URB2: variants seen among roughly 807,000 people sequenced by gnomAD.
URB2 encodes the protein URB2 ribosome biogenesis homolog.
Under a neutral mutation model 120.9 loss-of-function variants are expected in URB2, and 86 were observed. The ratio of observed to expected loss-of-function variants is 0.71; its 90% confidence interval spans 0.60 to 0.85. The LOEUF (loss-of-function observed/expected upper bound fraction) is 0.85. Among genes scored for constraint, URB2 ranks in the 40% least tolerant of loss-of-function variants. URB2 has a pLI of 0.00. For synonymous variants in URB2, 755 were observed against 758.4 expected, an observed-to-expected ratio of 1.00 and a Z score of 0.07; for missense variants, 1,765 against 1,836.5, an observed-to-expected ratio of 0.96 and a Z score of 0.71.
rs752921090 is a variant in URB2 at position 229,636,849 on chromosome 1, A to T, written c.2236A>T (p.Asn746Tyr). The change falls in exon 4 of 10, where the codon AAT becomes TAT. Residue 746 changes from asparagine (N) to tyrosine (Y), a missense_variant. By Grantham distance (143) the Asn-to-Tyr change is moderately radical. Coordinates refer to ENST00000258243, the MANE Select transcript of URB2 (RefSeq NM_014777.4). ...PVAHWHLIVS[N>Y]LTILISYLCP... ...AGCACACTGGCACTTGATTGTGTCA[A>T]ATCTCACAATTTTAATATCCTATCT... The T allele has an allele frequency of 1.2e-6, 2 of 1,611,346 alleles. No homozygotes were observed. Among genetic ancestry groups the T allele is most frequent in the Non-Finnish European group, 1.7e-6 (2 of 1,177,812 alleles).
Position 229,635,909 on chromosome 1 carries a change from T to C in URB2, c.1296T>C (p.Ala432=). ...AGCCAGACCTGGATGACCTGCTGGC[T>C]TCAGCGTGGATCGATGCCGAGGTAA... ...ILEPDLDDLL[A]SAWIDAEVTE... Residue 432 remains alanine (A), a synonymous_variant, in exon 4 of 10, where the codon GCT becomes GCC. Coordinates refer to ENST00000258243, the MANE Select transcript of URB2 (RefSeq NM_014777.4). 6.2e-7 allele frequency: 1 copy of C among 1,614,226 alleles called. No homozygotes were observed. Among genetic ancestry groups the C allele is most frequent in the Non-Finnish European group, 8.5e-7 (1 of 1,180,054 alleles).
chr1:229,636,513 C>G lies in URB2; in HGVS notation c.1900C>G (p.Leu634Val), dbSNP rs895964108. The change falls in exon 4 of 10, where the codon CTT (leucine) becomes GTT (valine). Residue 634 changes from leucine to valine, a missense_variant. Transcript: ENST00000258243. ...CSQYHSMSGP[L>V]IGVALEISNL... The stretch of plus-strand genomic sequence containing the variant: ...CCAGTATCACTCTATGTCTGGGCCC[C>G]TTATAGGTGTTGCTCTGGAGATCTC... 6.2e-7 allele frequency: 1 copy of G among 1,614,210 alleles called. No individual in the cohort carries two copies. The highest frequency in any genetic ancestry group is 8.5e-7 in the Non-Finnish European group (1 of 1,180,044).
At position 229,635,198 on chromosome 1, in the gene URB2, G is replaced by C. The variant is rs1665764863; in HGVS notation, c.585G>C (p.Gly195=). 1 of 1,614,222 alleles carries C rather than the reference G, an allele frequency of 6.2e-7. No homozygotes were observed. Among genetic ancestry groups the C allele is most frequent in the South Asian group, 1.1e-5 (1 of 91,088 alleles). The change falls in exon 4 of 10, where the codon GGG becomes GGC. Residue 195 remains glycine, a synonymous_variant. Transcript: ENST00000258243. Reference sequence around the variant, plus strand: ...AGGTCAACCCAAGACGTGCCTTTGGGGATGTGACTGCTCACCTGCTCCAGC... The same window carrying C: ...AGGTCAACCCAAGACGTGCCTTTGGCGATGTGACTGCTCACCTGCTCCAGC... The part of the protein sequence containing the change: ...QQQVNPRRAF[G]DVTAHLLQPC...
At chr1:229,653,038 G>A (rs114322906) in intron 8 of URB2, among the ~76,000 whole-genome samples, 1,648 of 152,248 alleles carry the variant, frequency 0.011, 30 homozygotes, top group African/African-American at 0.038. Flanking sequence ...ATTGGTGGCC[G>A]AAATAACAAG....
At chr1:229,652,095 C>G (rs1023652344) in intron 8 of URB2, among the ~76,000 whole-genome samples, 1 of 151,986 alleles carries the variant, frequency 6.6e-6, no homozygotes, top group African/African-American at 2.4e-5. Flanking sequence ...GGCAGGAGAA[C>G]TGCTTGAGCC....
chr1:229,642,703 G>A (rs1288709236), intron 4 of URB2, among the ~76,000 whole-genome samples: 1 of 152,088 alleles, frequency 6.6e-6, no homozygotes, highest in African/African-American at 2.4e-5. Context: ...TTTCCCATCT[G>A]TTTAAAATAC....
In URB2 at chr1:229,654,245, G is replaced by A. The variant is rs763482400; in HGVS notation, c.4238-4G>A. 3.1e-6 allele frequency: 5 copies of A among 1,613,530 alleles called. No homozygotes were observed. The highest frequency in any genetic ancestry group is 2.2e-5 in the East Asian group (1 of 44,876). ...TTGGTTGGGAAACACTTTGTTGTCT[G>A]TAGGAAGCATAGATGACCTGCCTAC... On this transcript the variant is annotated splice_region_variant and splice_polypyrimidine_tract_variant and intron_variant, in intron 8 of 9. Coordinates refer to ENST00000258243, the MANE Select transcript of URB2 (RefSeq NM_014777.4).
Position 229,647,623 on chromosome 1 carries a change from C to T in URB2, c.4020C>T (p.Pro1340=). Residue 1340 remains proline, a synonymous_variant, in exon 7 of 10, where the codon CCC becomes CCT. Coordinates refer to ENST00000258243, the MANE Select transcript of URB2 (RefSeq NM_014777.4). ...LRQGEEAIGN[P]HHVSLAFSIL... ...AGGGGGAGGAGGCCATCGGCAACCC[C>T]CACCACGTCAGCCTGGCCTTCAGCA... The T allele has an allele frequency of 1.9e-6, 3 of 1,614,194 alleles. No individual in the cohort carries two copies. The highest frequency in any genetic ancestry group is 2.5e-6 in the Non-Finnish European group (3 of 1,180,040).
At chr1:229,646,057 T>G in intron 6 of URB2, 88 bp downstream of exon 6, 1 of 1,214,154 alleles carries the variant, frequency 8.2e-7, no homozygotes, top group Non-Finnish European at 1.2e-6. Flanking sequence ...TCTGCTGCCC[T>G]GTAGCTTTAT....
At chr1:229,656,601 A>G (rs1666413444) in intron 9 of URB2, among the ~76,000 whole-genome samples, 1 of 152,234 alleles carries the variant, frequency 6.6e-6, no homozygotes, top group Non-Finnish European at 1.5e-5. Flanking sequence ...CAGCGTGTTT[A>G]AGTTTAATTA....
intron 4 of URB2, among the ~76,000 whole-genome samples, chr1:229,641,660 C>T (rs1666015061): frequency 6.6e-6 from 1 of 152,142 alleles, no homozygotes; most frequent in African/African-American, 2.4e-5. Flanking sequence ...CAGAGGTGGG[C>T]TTTTGTAAAG....
Position 229,634,984 on chromosome 1 carries a change from G to A in URB2, c.371G>A (p.Arg124Gln), listed in dbSNP as rs777840008. 12 of 1,598,946 alleles carry A rather than the reference G, an allele frequency of 7.5e-6. No individual in the cohort carries two copies. Among genetic ancestry groups the A allele is most frequent in the South Asian group, 5.6e-5 (5 of 89,898 alleles). ...CAAAGAAACATCTGTGCTGTCCTTC[G>A]ATGTTGCCAGGGCATCCTGTCGACA... is the stretch of plus-strand genomic sequence containing the variant. ...GSQRNICAVL[R>Q]CCQGILSTPA... Residue 124 changes from arginine to glutamine, a missense_variant, in exon 4 of 10, where the codon CGA becomes CAA. Coordinates refer to ENST00000258243, the MANE Select transcript of URB2 (RefSeq NM_014777.4).
At chr1:229,656,548 G>A (rs1437275416) in intron 9 of URB2, among the ~76,000 whole-genome samples, 1 of 152,208 alleles carries the variant, frequency 6.6e-6, no homozygotes, top group Non-Finnish European at 1.5e-5. Flanking sequence ...TATTCCATAT[G>A]CATTAGCAGC....
At position 229,645,884 on chromosome 1, in the gene URB2, T is replaced by C. The variant is rs1277692894; in HGVS notation, c.3821T>C (p.Leu1274Pro). 2.5e-5 allele frequency: 41 copies of C among 1,614,116 alleles called. No homozygotes were observed. The highest frequency in any genetic ancestry group is 3.5e-5 in the Non-Finnish European group (41 of 1,179,946). The change falls in exon 6 of 10, where the codon CTG becomes CCG. Residue 1274 changes from leucine (L) to proline (P), a missense_variant. Transcript: ENST00000258243. The stretch of plus-strand genomic sequence containing the variant: ...GCTGTTGTGTCAGCTGTTACACTGC[T>C]GAGGCTGCTACTGAACTGCCCACTC... ...VQAVVSAVTL[L>P]RLLLNCPLSG...
chr1:229,644,834 C>A (rs1397557534), intron 5 of URB2, among the ~76,000 whole-genome samples: 1 of 152,132 alleles, frequency 6.6e-6, no homozygotes, highest in African/African-American at 2.4e-5. Flanking sequence ...GGCACTGGGT[C>A]TGTTTGTTCA....
rs1442436024 is a variant in URB2 at position 229,635,451 on chromosome 1, A to G, written c.838A>G (p.Thr280Ala). The G allele has an allele frequency of 5.0e-6, 8 of 1,612,798 alleles. No homozygotes were observed. The highest frequency in any genetic ancestry group is 2.2e-5 in the East Asian group (1 of 44,874). Residue 280 changes from threonine (T) to alanine (A), a missense_variant, in exon 4 of 10, where the codon ACC (threonine) becomes GCC (alanine). Transcript: ENST00000258243. ...GAAGAACCTTCTGGCTCCCATGGAC[A>G]CCGTGCTTAACAGGCTGGTTGATGC... Reference protein sequence around the residue: ...AMKNLLAPMDTVLNRLVDAGY... With the variant: ...AMKNLLAPMDAVLNRLVDAGY...
In URB2 at chr1:229,637,261, C is replaced by T; in HGVS notation, c.2648C>T (p.Pro883Leu). Reference sequence around the variant, plus strand: ...CTGTCCCTGGTCAAGAGTGACTTCCCTATCCAGCTGGAGGGAGAGCAGTTG... The same window carrying T: ...CTGTCCCTGGTCAAGAGTGACTTCCTTATCCAGCTGGAGGGAGAGCAGTTG... Reference protein sequence around the residue: ...NLLSLVKSDFPIQLEGEQLES... With the variant: ...NLLSLVKSDFLIQLEGEQLES... The change falls in exon 4 of 10, where the codon CCT becomes CTT. Residue 883 changes from proline to leucine, a missense_variant. Transcript: ENST00000258243. 2 of 1,614,092 alleles carry T rather than the reference C, an allele frequency of 1.2e-6. No homozygotes were observed. Among genetic ancestry groups the T allele is most frequent in the Non-Finnish European group, 1.7e-6 (2 of 1,179,982 alleles).
rs563005455 is a variant in URB2, at chr1:229,629,481, A to T, written c.126+1722A>T. 2.0e-5 allele frequency among the ~76,000 whole-genome samples: 3 copies of T among 152,292 alleles called. No individual in the cohort carries two copies. In the South Asian group the frequency reaches 6.2e-4, roughly 32 times the overall value. On this transcript the variant is annotated intron_variant, in intron 2 of 9. Coordinates refer to ENST00000258243, the MANE Select transcript of URB2 (RefSeq NM_014777.4). ...AGATCACAATATTGTGAGTCACAGA[A>T]ATTTTTTGGTTTCCTAGTGCATATA...
chr1:229,637,016 T>C lies in URB2; in HGVS notation c.2403T>C (p.Phe801=). The change falls in exon 4 of 10, where the codon TTT becomes TTC. Residue 801 remains phenylalanine, a synonymous_variant. Coordinates refer to ENST00000258243, the MANE Select transcript of URB2 (RefSeq NM_014777.4). ...ISKAFLHSPL[F]PEMQSLHSAF... is the part of the protein sequence containing the mutation. ...AAGCCTTCCTTCATAGCCCTCTCTT[T>C]CCAGAGATGCAGTCCCTTCATTCTG... The C allele has an allele frequency of 3.1e-6, 5 of 1,614,082 alleles. No individual in the cohort carries two copies. The highest frequency in any genetic ancestry group is 4.2e-6 in the Non-Finnish European group (5 of 1,180,044).
Sources: allele counts gnomAD v4.1 joint callset (sites outside exome capture counted in the v4.1 genomes callset), GRCh38; gene constraint gnomAD v4.1.1; transcripts MANE v1.5; gene names NCBI Gene and HGNC (gene_info 2026-07-23, HGNC 2026-07-21).